CIAO1: variants seen among roughly 807,000 people sequenced by gnomAD.
CIAO1 encodes the protein probable cytosolic iron-sulfur protein assembly protein CIAO1.
A neutral mutation model predicts 43.1 loss-of-function variants in CIAO1; 32 were observed. The ratio of observed to expected loss-of-function variants is 0.74; its 90% confidence interval spans 0.56 to 1.00. The LOEUF (loss-of-function observed/expected upper bound fraction) is 1.00, where lower values mean the gene tolerates loss of function less well. Among genes scored for constraint, CIAO1 ranks in the 50% least tolerant of loss-of-function variants. The probability of loss-of-function intolerance (pLI) is 0.00; values close to 1 mark genes in which losing one functional copy is unlikely to be tolerated. For missense variants in CIAO1, 415 were observed against 437.4 expected (o/e 0.95, Z 0.46); for synonymous variants, 183 against 171.4 (o/e 1.07, Z -0.53).
intron 1 of CIAO1, 115 bp downstream of exon 1, chr2:96,266,604 TGTTAGCCAC>T (rs1240352667): frequency 1.7e-5 from 20 of 1,151,570 alleles, no homozygotes; most frequent in Middle Eastern, 2.5e-4. Context: ...GAGAGTGGGA[TGTTAGCCAC>T]GCCGAGAAGG....
chr2:96,266,237 AG>A lies in CIAO1; in HGVS notation c.-113del. ...ACCCAGGTCCTCCGGCGGAAGCGGG[AG>A]CCTCTGTCGGCCGCGGAAGCCTGGA... is the stretch of plus-strand genomic sequence containing the variant. On this transcript the variant is annotated 5_prime_UTR_variant, in exon 1 of 7. Coordinates refer to ENST00000488633, the MANE Select transcript of CIAO1 (RefSeq NM_004804.3). The A allele has an allele frequency of 1.7e-6, 2 of 1,184,390 alleles. No homozygotes were observed. The highest frequency in any genetic ancestry group is 5.8e-5 in the South Asian group (2 of 34,532). 73.4% of individuals were successfully genotyped at this position (1,184,390 alleles called of 1,614,324 possible). A position where few individuals can be genotyped will look rare whatever the true frequency, so the allele number is the denominator to read the frequency against.
Position 96,273,213 on chromosome 2 carries a change from A to G in CIAO1, c.*1862A>G, listed in dbSNP as rs1448480312. On this transcript the variant is annotated 3_prime_UTR_variant, in exon 7 of 7. Coordinates refer to ENST00000488633, the MANE Select transcript of CIAO1 (RefSeq NM_004804.3). ...AATGCATTTCATTTGGAAGAATTCA[A>G]TGAACCATTTTTCCAAGTGACCAGT... 2 of 152,248 alleles carry G rather than the reference A, an allele frequency of 1.3e-5. No individual in the cohort carries two copies. Among genetic ancestry groups the G allele is most frequent in the Non-Finnish European group, 2.9e-5 (2 of 68,046 alleles). 9.4% of individuals were successfully genotyped at this position (152,248 alleles called of 1,614,324 possible). A position where few individuals can be genotyped will look rare whatever the true frequency, so the allele number is the denominator to read the frequency against.
chr2:96,268,811 T>G (rs1684486773), intron 5 of CIAO1, 153 bp downstream of exon 5: 3 of 683,534 alleles, frequency 4.4e-6, no homozygotes, highest in Non-Finnish European at 7.3e-6. Context: ...AGGAAAGTTT[T>G]GTAGAATGGG....
At chr2:96,268,074 C>T (rs922008402) in intron 4 of CIAO1, 150 bp downstream of exon 4, 10 of 714,598 alleles carry the variant, frequency 1.4e-5, no homozygotes, top group Admixed American at 2.2e-5. Flanking sequence ...ACAGATCCGG[C>T]TGGGTGTGGT....
In CIAO1 at chr2:96,273,662, C is replaced by CAAAAAAAAA. The variant is rs57198918; in HGVS notation, c.*2327_*2335dup. Among the ~76,000 whole-genome samples, 1 of 55,994 alleles carries CAAAAAAAAA rather than the reference C, an allele frequency of 1.8e-5. No homozygotes were observed. The highest frequency in any genetic ancestry group is 3.8e-5 in the Non-Finnish European group (1 of 26,654). 36.7% of individuals were successfully genotyped at this position (55,994 alleles called of 152,430 possible). ...TGGGTGACAGAGCGAGACTCCATTT[C>CAAAAAAAAA]AAAAAAAAAAAAAAAAAAAAAAAAT... is the stretch of plus-strand genomic sequence containing the variant. On this transcript the variant is annotated 3_prime_UTR_variant, in exon 7 of 7. Coordinates refer to ENST00000488633, the MANE Select transcript of CIAO1 (RefSeq NM_004804.3).
At chr2:96,267,795 T>C in intron 3 of CIAO1, 41 bp from the exon 4 acceptor site, 2 of 1,612,402 alleles carry the variant, frequency 1.2e-6, no homozygotes, top group Non-Finnish European at 1.7e-6. Context: ...TCTGTGTCCC[T>C]GACAGGGTCG....
Position 96,266,413 on chromosome 2 carries a change from C to T in CIAO1, c.63C>T (p.Phe21=). 6.4e-7 allele frequency: 1 copy of T among 1,553,602 alleles called. No individual in the cohort carries two copies. The highest frequency in any genetic ancestry group is 8.7e-7 in the Non-Finnish European group (1 of 1,145,974). ...VPAHPDSRCW[F]LAWNPAGTLL... ...CGCACCCGGACTCCCGCTGCTGGTTCCTGGCCTGGAACCCCGCGGGGACCC... is the reference window on the plus strand; with the variant it reads ...CGCACCCGGACTCCCGCTGCTGGTTTCTGGCCTGGAACCCCGCGGGGACCC... The change falls in exon 1 of 7, where the codon TTC becomes TTT. Residue 21 remains phenylalanine, a synonymous_variant. Transcript: ENST00000488633.
intron 6 of CIAO1, among the ~76,000 whole-genome samples, chr2:96,270,383 A>G (rs574680326): frequency 6.6e-6 from 1 of 152,090 alleles, no homozygotes; most frequent in Non-Finnish European, 1.5e-5. Flanking sequence ...CACGCACCCA[A>G]TCCCAGCTAC....
chr2:96,267,171 G>T, intron 1 of CIAO1, 150 bp from the exon 2 acceptor site: 2 of 241,524 alleles, frequency 8.3e-6, no homozygotes, highest in Non-Finnish European at 1.6e-5. Flanking sequence ...GCTTCCAGAC[G>T]AAGTAGATTC....
intron 4 of CIAO1, 93 bp from the exon 5 acceptor site, chr2:96,268,364 A>T (rs1684478092): frequency 2.8e-6 from 3 of 1,061,230 alleles, no homozygotes; most frequent in Non-Finnish European, 4.3e-6. Flanking sequence ...ATAAATAATA[A>T]AATAAAATAA....
intron 4 of CIAO1, 37 bp from the exon 5 acceptor site, chr2:96,268,420 C>T (rs927411593): frequency 6.3e-7 from 1 of 1,584,896 alleles, no homozygotes; most frequent in Non-Finnish European, 8.7e-7. Context: ...CTGGGCCACA[C>T]AGACACATGT....
chr2:96,267,451 G>A lies in CIAO1; in HGVS notation c.270G>A (p.Lys90=). The A allele has an allele frequency of 6.2e-7, 1 of 1,614,214 alleles. No individual in the cohort carries two copies. The highest frequency in any genetic ancestry group is 8.5e-7 in the Non-Finnish European group (1 of 1,180,026). Residue 90 remains lysine (K), a synonymous_variant, in exon 2 of 7, where the codon AAG becomes AAA. Transcript: ENST00000488633. ...ATGCTACCACTTGCATTTGGAAGAA[G>A]AACCAGGATGACTTTGAGGTACCCA... is the stretch of plus-strand genomic sequence containing the variant. The part of the protein sequence containing the change: ...SFDATTCIWK[K]NQDDFECVTT...
Position 96,271,327 on chromosome 2 carries a change from G to C in CIAO1, c.996G>C (p.Lys332Asn). 1.9e-6 allele frequency: 3 copies of C among 1,614,110 alleles called. No homozygotes were observed. Among genetic ancestry groups the C allele is most frequent in the Non-Finnish European group, 2.5e-6 (3 of 1,180,020 alleles). ...ATGATGGGGAGGTGGCCTTCTGGAAGTATCAGCGGCCTGAAGGCCTCTGAG... is the reference window on the plus strand; with the variant it reads ...ATGATGGGGAGGTGGCCTTCTGGAACTATCAGCGGCCTGAAGGCCTCTGAG... ...CSDDGEVAFWKYQRPEGL is the reference protein window; with the variant it reads ...CSDDGEVAFWNYQRPEGL Residue 332 changes from lysine to asparagine, a missense_variant, in exon 7 of 7, where the codon AAG becomes AAC. Transcript: ENST00000488633.
rs959649808 is a variant in CIAO1 at position 96,273,837 on chromosome 2, T to C, written c.*2486T>C. On this transcript the variant is annotated 3_prime_UTR_variant, in exon 7 of 7. Coordinates refer to ENST00000488633, the MANE Select transcript of CIAO1 (RefSeq NM_004804.3). Reference sequence around the variant, plus strand: ...AAGCAGCTGTAAGAATTCAACTGTTTATTATAACAAGATACTAAAGAGACT... The same window carrying C: ...AAGCAGCTGTAAGAATTCAACTGTTCATTATAACAAGATACTAAAGAGACT... Among the ~76,000 whole-genome samples the C allele has an allele frequency of 1.3e-5, 2 of 152,008 alleles. No homozygotes were observed. The highest frequency in any genetic ancestry group is 2.9e-5 in the Non-Finnish European group (2 of 68,016).
In CIAO1 at chr2:96,267,899, A is replaced by G. The variant is rs1684469294; in HGVS notation, c.464A>G (p.His155Arg). The G allele has an allele frequency of 1.9e-6, 3 of 1,614,016 alleles. No individual in the cohort carries two copies. The highest frequency in any genetic ancestry group is 1.3e-5 in the African/African-American group (1 of 74,930). The part of the protein sequence containing the change: ...VLNSHTQDVK[H>R]VVWHPSQELL... ...AACTCCCACACACAGGATGTCAAGC[A>G]TGTGGTTTGGCACCCAAGTCAGGAG... The change falls in exon 4 of 7, where the codon CAT becomes CGT. Residue 155 changes from histidine (H) to arginine (R), a missense_variant. His to Arg is a conservative substitution (Grantham distance 29). Coordinates refer to ENST00000488633, the MANE Select transcript of CIAO1 (RefSeq NM_004804.3).
chr2:96,270,153 A>C (rs993378982), intron 6 of CIAO1, among the ~76,000 whole-genome samples: 1 of 152,236 alleles, frequency 6.6e-6, no homozygotes, highest in Non-Finnish European at 1.5e-5. Context: ...AAGTGAACTT[A>C]AGTAAATTAT....
rs773006368 is a variant in CIAO1, at chr2:96,268,697, C to T, written c.691+39C>T. On this transcript the variant is annotated intron_variant, in intron 5 of 6. Transcript: ENST00000488633. ...GTAGAGCTAAAGAAGACCCATCTCT[C>T]AAGGGGTTCACAGTCTGCTAAGACA... The T allele has an allele frequency of 6.2e-6, 10 of 1,601,642 alleles. No homozygotes were observed. The East Asian group carries it at 1.3e-4, about 21-fold the overall frequency.
intron 4 of CIAO1, 116 bp from the exon 5 acceptor site, chr2:96,268,341 A>C: frequency 1.1e-6 from 1 of 900,994 alleles, no homozygotes; most frequent in Non-Finnish European, 1.7e-6. Flanking sequence ...AACAACAGCA[A>C]ACTTCATCTC....
At position 96,266,240 on chromosome 2, in the gene CIAO1, CT is replaced by C; in HGVS notation, c.-110del. The C allele has an allele frequency of 1.7e-6, 2 of 1,206,306 alleles. No homozygotes were observed. The highest frequency in any genetic ancestry group is 2.1e-6 in the Non-Finnish European group (2 of 950,404). 74.7% of individuals were successfully genotyped at this position (1,206,306 alleles called of 1,614,324 possible). On this transcript the variant is annotated 5_prime_UTR_variant, in exon 1 of 7. Transcript: ENST00000488633. ...CAGGTCCTCCGGCGGAAGCGGGAGC[CT>C]CTGTCGGCCGCGGAAGCCTGGAGTG...
Sources: gnomAD v4.1 joint callset for allele counts (sites outside exome capture counted in the v4.1 genomes callset) on GRCh38, gnomAD v4.1.1 for gene constraint, MANE v1.5 for transcripts, NCBI Gene and HGNC (gene_info 2026-07-23, HGNC 2026-07-21) for gene names.